WDFY4: variants seen among roughly 807,000 people sequenced by gnomAD.
WDFY4 encodes WDFY family member 4.
Under a neutral mutation model 351.9 loss-of-function variants are expected in WDFY4, and 169 were observed. The ratio of observed to expected loss-of-function variants is 0.48; its 90% CI spans 0.42 to 0.55. The LOEUF (loss-of-function observed/expected upper bound fraction) is 0.55, where lower values mean the gene tolerates loss of function less well. WDFY4 is among the 20% of genes least tolerant of loss of function. The pLI is 0.00. For synonymous variants in WDFY4, 1,622 were observed against 1,574.6 expected (o/e 1.03, Z -0.71); for missense variants, 3,803 against 3,935.6 (o/e 0.97, Z 0.90).
Position 48,805,952 on chromosome 10 carries a change from G to A in WDFY4, c.4647-52G>A, listed in dbSNP as rs923134954. The A allele has an allele frequency of 1.4e-5, 21 of 1,491,758 alleles. 1 individual carries two copies. The highest frequency in any genetic ancestry group is 4.2e-5 in the African/African-American group (3 of 71,728). The allele number at this position is 1,491,758 out of a possible 1,614,324, so 92.4% of individuals were successfully genotyped here. ...GTGAAAACACTGGCATGTACTCAGC[G>A]GACTCAGTTGAGCCCGCCTGCGAGC... On this transcript the variant is annotated intron_variant, in intron 26 of 61. Coordinates refer to ENST00000325239, the MANE Select transcript of WDFY4 (RefSeq NM_001394531.1).
intron 49 of WDFY4, among the ~76,000 whole-genome samples, chr10:48,945,092 T>C (rs2133774661): frequency 6.6e-6 from 1 of 152,296 alleles, no homozygotes; most frequent in Non-Finnish European, 1.5e-5. Flanking sequence ...GAAAGGGTTA[T>C]GAGCCAGGCG....
chr10:48,721,429 C>T, intron 4 of WDFY4, 62 bp downstream of exon 4: 2 of 1,473,272 alleles, frequency 1.4e-6, no homozygotes, highest in Non-Finnish European at 1.9e-6. Flanking sequence ...GAGGGAGGTC[C>T]AGCACAGGGT....
rs745889402 is a variant in WDFY4 at position 48,743,161 on chromosome 10, C to T, written c.2072C>T (p.Ala691Val). ...VLYTLCAVSA[A>V]LHWDPVNGYF... ...TACACTCTCTGTGCTGTGTCCGCAGCGCTGCACTGGGACCCTGTCAATGGC... is the reference window on the plus strand; with the variant it reads ...TACACTCTCTGTGCTGTGTCCGCAGTGCTGCACTGGGACCCTGTCAATGGC... Residue 691 changes from alanine to valine, a missense_variant, in exon 12 of 62, where the codon GCG becomes GTG. Transcript: ENST00000325239. 62 of 1,551,600 alleles carry T rather than the reference C, an allele frequency of 4.0e-5. No homozygotes were observed. The highest frequency in any genetic ancestry group is 5.0e-5 in the Non-Finnish European group (57 of 1,147,014).
At chr10:48,931,170 G>A (rs2940723) in intron 47 of WDFY4, among the ~76,000 whole-genome samples, 115,556 of 151,994 alleles carry the variant, frequency 0.76, 45,922 homozygotes, top group East Asian at 1. Context: ...GGGTGGTGGT[G>A]GGAGTTATTC....
intron 8 of WDFY4, 112 bp downstream of exon 8, chr10:48,729,701 T>C: frequency 2.2e-6 from 3 of 1,356,326 alleles, no homozygotes; most frequent in Non-Finnish European, 2.0e-6. Context: ...CAGTAGGCTC[T>C]GATTCTGTCA....
At chr10:48,812,868 C>G (rs915060805) in intron 30 of WDFY4, among the ~76,000 whole-genome samples, 7 of 152,326 alleles carry the variant, frequency 4.6e-5, no homozygotes, top group Middle Eastern at 3.4e-3. Flanking sequence ...ACTGGCTGCT[C>G]TGTGCTCACC....
chr10:48,803,299 C>T lies in WDFY4; in HGVS notation c.4424C>T (p.Thr1475Ile), dbSNP rs1565216450. ...TTTGTCTTCCAGCTCTGGATGAATA[C>T]TGCAGACAATCTGGAGCTCAGCCTC... ...ILCNFELWMN[T>I]ADNLELSLFS... Residue 1475 changes from threonine (T) to isoleucine (I), a missense_variant, in exon 25 of 62, where the codon ACT (threonine) becomes ATT (isoleucine). Coordinates refer to ENST00000325239, the MANE Select transcript of WDFY4 (RefSeq NM_001394531.1). 6.4e-7 allele frequency: 1 copy of T among 1,552,006 alleles called. No homozygotes were observed.
chr10:48,904,210 G>C (rs749835615), intron 47 of WDFY4, among the ~76,000 whole-genome samples: 7 of 152,354 alleles, frequency 4.6e-5, no homozygotes, highest in South Asian at 2.1e-4. Flanking sequence ...GCATGCCAGG[G>C]TATGGTCCAG....
At chr10:48,930,465 G>A (rs1013849585) in intron 47 of WDFY4, among the ~76,000 whole-genome samples, 1 of 152,198 alleles carries the variant, frequency 6.6e-6, no homozygotes, top group African/African-American at 2.4e-5. Flanking sequence ...AGAGTGATCA[G>A]TAGCATCGCA....
intron 24 of WDFY4, among the ~76,000 whole-genome samples, chr10:48,800,075 G>C (rs563383719): frequency 6.6e-6 from 1 of 152,072 alleles, no homozygotes; most frequent in African/African-American, 2.4e-5. Context: ...TAGTAGAGAC[G>C]GGGTTTCACC....
intron 1 of WDFY4, among the ~76,000 whole-genome samples, chr10:48,702,086 A>AAAG (rs1283860372): frequency 2.0e-5 from 3 of 152,224 alleles, no homozygotes; most frequent in Non-Finnish European, 4.4e-5. Flanking sequence ...GGACAAATGT[A>AAAG]GACTGTCATG....
intron 1 of WDFY4, among the ~76,000 whole-genome samples, chr10:48,689,690 A>G (rs1213719421): frequency 6.6e-6 from 1 of 152,216 alleles, no homozygotes; most frequent in Non-Finnish European, 1.5e-5. Flanking sequence ...TTTTATGGCC[A>G]GAGGCTTTCA....
At chr10:48,851,046 G>T (rs565053465) in intron 39 of WDFY4, among the ~76,000 whole-genome samples, 3 of 152,220 alleles carry the variant, frequency 2.0e-5, no homozygotes, top group South Asian at 4.2e-4. Flanking sequence ...CAAGAACCTG[G>T]TGCCCATCAA....
intron 49 of WDFY4, among the ~76,000 whole-genome samples, chr10:48,945,327 G>A (rs1179885919): frequency 6.6e-6 from 1 of 152,066 alleles, no homozygotes; most frequent in Non-Finnish European, 1.5e-5. Flanking sequence ...AGTGAGCCAG[G>A]ACCACTCCAC....
At chr10:48,906,754 C>A (rs1424213553) in intron 47 of WDFY4, among the ~76,000 whole-genome samples, 1 of 152,220 alleles carries the variant, frequency 6.6e-6, no homozygotes, top group East Asian at 1.9e-4. Flanking sequence ...CAGACAGCTT[C>A]AAAATTAAAC....
At chr10:48,833,170 T>A (rs202127199) in intron 39 of WDFY4, among the ~76,000 whole-genome samples, 1,703 of 139,190 alleles carry the variant, frequency 0.012, 16 homozygotes, top group South Asian at 0.039. Context: ...TGTGTGTGTG[T>A]GTGAGAGAGA....
chr10:48,715,173 C>T (rs1219715371), intron 2 of WDFY4, among the ~76,000 whole-genome samples: 2 of 152,240 alleles, frequency 1.3e-5, no homozygotes, highest in Non-Finnish European at 2.9e-5. Context: ...GTGAGCACAC[C>T]CACAATCTTG....
chr10:48,901,228 T>A (rs1248329648), intron 46 of WDFY4, among the ~76,000 whole-genome samples: 1 of 152,260 alleles, frequency 6.6e-6, no homozygotes, highest in East Asian at 1.9e-4. Flanking sequence ...ATGCTGCTGC[T>A]AGATTGCCCC....
At chr10:48,872,834 C>T (rs988761738) in intron 40 of WDFY4, among the ~76,000 whole-genome samples, 2 of 152,182 alleles carry the variant, frequency 1.3e-5, no homozygotes, top group Non-Finnish European at 2.9e-5. Context: ...CTTTGCATTA[C>T]TATGAAAGGT....
Sources: gnomAD v4.1 joint callset for allele counts (sites outside exome capture counted in the v4.1 genomes callset) on GRCh38, gnomAD v4.1.1 for gene constraint, MANE v1.5 for transcripts, NCBI Gene and HGNC (gene_info 2026-07-23, HGNC 2026-07-21) for gene names.